Variants in CTC1 observed in about 807,000 individuals in gnomAD.
CTC1 encodes CST telomere replication complex component 1.
CTC1 carries 91 observed loss-of-function variants against 136.3 expected under a neutral mutation model. The observed-to-expected ratio is 0.67, with a 90% CI of 0.56 to 0.79. CTC1 has a LOEUF of 0.79. Among genes scored for constraint, CTC1 ranks in the 30% least tolerant of loss-of-function variants. The pLI is 0.00. For synonymous variants in CTC1, 606 were observed against 613.8 expected, an observed-to-expected ratio of 0.99 and a Z score of 0.19; for missense variants, 1,432 against 1,498.1, an observed-to-expected ratio of 0.96 and a Z score of 0.73.
chr17:8,233,048 GGTTGA>G lies in CTC1; in HGVS notation c.1819-21_1819-17del, dbSNP rs2151513134. 1 of 1,613,254 alleles carries G rather than the reference GGTTGA, an allele frequency of 6.2e-7. No individual in the cohort carries two copies. Among genetic ancestry groups the G allele is most frequent in the Non-Finnish European group, 8.5e-7 (1 of 1,179,364 alleles). ...CAAGTAAAACCTGCAAGAAGATGAA[GGTTGA>G]GTTATCAAATGTTTATTCAGCAAAT... On this transcript the variant is annotated splice_polypyrimidine_tract_variant and intron_variant, in intron 10 of 22. Transcript: ENST00000651323.
intron 1 of CTC1, among the ~76,000 whole-genome samples, chr17:8,244,877 T>C (rs935805162): frequency 2.0e-5 from 3 of 152,160 alleles, no homozygotes; most frequent in Non-Finnish European, 4.4e-5. Flanking sequence ...GAAAAGCCAG[T>C]CTTCCATGGA....
rs187039877 is a variant in CTC1 at position 8,241,249 on chromosome 17, T to C, written c.197+1736A>G. ...CTTGCAGTGAGCCGAGATGATGCCATTGCACTCCAGCCTGGGTGACAGAGC... is the reference window on the plus strand; with the variant it reads ...CTTGCAGTGAGCCGAGATGATGCCACTGCACTCCAGCCTGGGTGACAGAGC... On this transcript the variant is annotated intron_variant, in intron 2 of 22. Coordinates refer to ENST00000651323, the MANE Select transcript of CTC1 (RefSeq NM_025099.6). Among the ~76,000 whole-genome samples, 1,071 of 151,902 alleles carry C rather than the reference T, an allele frequency of 7.1e-3. 9 individuals are homozygous for C. The highest frequency in any genetic ancestry group is 0.013 in the South Asian group (60 of 4,800).
At chr17:8,230,793 CACTGCACACTA>C in intron 15 of CTC1, 142 bp from the exon 16 acceptor site, 1 of 677,872 alleles carries the variant, frequency 1.5e-6, no homozygotes, top group Non-Finnish European at 2.6e-6. Context: ...AGCTCTGCCA[CACTGCACACTA>C]AGAGTAACAG....
Position 8,238,575 on chromosome 17 carries a change from G to A in CTC1, c.252C>T (p.His84=). 6.2e-7 allele frequency: 1 copy of A among 1,613,998 alleles called. No homozygotes were observed. Among genetic ancestry groups the A allele is most frequent in the Non-Finnish European group, 8.5e-7 (1 of 1,179,914 alleles). ...KTHQRLPCCS[H]LSWSSSAYQA... is the part of the protein sequence containing the mutation. ...GGTATGCACTACTGCTCCACGACAG[G>A]TGGCTGCAGCATGGGAGACGCTGGT... Residue 84 remains histidine, a synonymous_variant, in exon 3 of 23, where the codon CAC becomes CAT. Transcript: ENST00000651323.
chr17:8,241,263 G>A (rs767174049), intron 2 of CTC1, among the ~76,000 whole-genome samples: 1 of 152,060 alleles, frequency 6.6e-6, no homozygotes, highest in African/African-American at 2.4e-5. Flanking sequence ...ACTCCAGCCT[G>A]GGTGACAGAG....
rs1297697809 is a variant in CTC1 at position 8,235,954 on chromosome 17, T to C, written c.1083A>G (p.Ala361=). Residue 361 remains alanine, a synonymous_variant, in exon 7 of 23, where the codon GCA becomes GCG. Coordinates refer to ENST00000651323, the MANE Select transcript of CTC1 (RefSeq NM_025099.6). Reference sequence around the variant, plus strand: ...CGGGCTCATTCAACACGCCAGTGACTGCTCCCTGCAAACAGGCCGAGGTCC... The same window carrying C: ...CGGGCTCATTCAACACGCCAGTGACCGCTCCCTGCAAACAGGCCGAGGTCC... The part of the protein sequence containing the change: ...RYSRLLSYSG[A]VTGVLNEPAG... 6.2e-7 allele frequency: 1 copy of C among 1,605,648 alleles called. No individual in the cohort carries two copies. The highest frequency in any genetic ancestry group is 8.5e-7 in the Non-Finnish European group (1 of 1,173,370).
At position 8,238,027 on chromosome 17, in the gene CTC1, T is replaced by TAG; in HGVS notation, c.647+3_647+4insCT. ...CCCCTGCCATGCCTAGAGGGGGAAA[T>TAG]TACCTGAGCCTGAGCAGGCAGGAAG... On this transcript the variant is annotated splice_donor_region_variant and intron_variant, in intron 4 of 22. Coordinates refer to ENST00000651323, the MANE Select transcript of CTC1 (RefSeq NM_025099.6). The TAG allele has an allele frequency of 1.2e-6, 2 of 1,610,482 alleles. No homozygotes were observed. The highest frequency in any genetic ancestry group is 1.7e-6 in the Non-Finnish European group (2 of 1,177,332).
Position 8,232,919 on chromosome 17 carries a change from G to C in CTC1, c.1932C>G (p.Asp644Glu). Residue 644 changes from aspartate (D) to glutamate (E), a missense_variant, in exon 11 of 23, where the codon GAC becomes GAG. By Grantham distance (45) the Asp-to-Glu change is conservative (BLOSUM62 2). Coordinates refer to ENST00000651323, the MANE Select transcript of CTC1 (RefSeq NM_025099.6). ...LLAKHSQPLS[D>E]PRLIGCLVRA... ...TGAACTCCAAACCTATCAGCCGTGG[G>C]TCACTGAGGGGTTGAGAGTGCTTGG... 2.5e-6 allele frequency: 4 copies of C among 1,614,046 alleles called. No individual in the cohort carries two copies. The highest frequency in any genetic ancestry group is 3.4e-6 in the Non-Finnish European group (4 of 1,179,968).
chr17:8,235,800 T>C, intron 7 of CTC1, 31 bp downstream of exon 7: 1 of 1,563,310 alleles, frequency 6.4e-7, no homozygotes, highest in Non-Finnish European at 8.7e-7. Flanking sequence ...TGCAGAGGTC[T>C]CTTTTTGTTA....
intron 7 of CTC1, chr17:8,235,502 G>A: frequency 1.7e-6 from 1 of 597,708 alleles, no homozygotes; most frequent in Non-Finnish European, 3.0e-6. Context: ...GGGCTGGGTG[G>A]CTCCTGGATG....
chr17:8,236,815 A>G (rs898284360), intron 5 of CTC1, among the ~76,000 whole-genome samples: 1 of 152,196 alleles, frequency 6.6e-6, no homozygotes, highest in Non-Finnish European at 1.5e-5. Context: ...AGAAACTTAT[A>G]TGTCATAAAA....
At chr17:8,234,227 A>G (rs1363055362) in intron 10 of CTC1, among the ~76,000 whole-genome samples, 1 of 152,188 alleles carries the variant, frequency 6.6e-6, no homozygotes, top group Non-Finnish European at 1.5e-5. Context: ...CTCATGCCTT[A>G]GCCTCCCAAA....
chr17:8,247,396 G>A (rs1988833366), intron 1 of CTC1, among the ~76,000 whole-genome samples: 2 of 137,490 alleles, frequency 1.5e-5, no homozygotes, highest in Non-Finnish European at 3.0e-5. Context: ...TGCAGCCTCC[G>A]TCTACCCGGT....
intron 2 of CTC1, among the ~76,000 whole-genome samples, chr17:8,239,027 G>A (rs1301904869): frequency 6.6e-6 from 1 of 150,814 alleles, no homozygotes; most frequent in Non-Finnish European, 1.5e-5. Flanking sequence ...AGGAGATGGA[G>A]GTTGCAGTGA....
chr17:8,228,515 T>C lies in CTC1; in HGVS notation c.3502A>G (p.Ile1168Val). Residue 1168 changes from isoleucine to valine, a missense_variant, in exon 22 of 23, where the codon ATC becomes GTC. By Grantham distance (29) the Ile-to-Val change is conservative. Transcript: ENST00000651323. ...TCTCCAACCTTACCTAATGGGACGA[T>C]CTTCGACGGTTTCCTTTCCAGCTCA... is the stretch of plus-strand genomic sequence containing the variant. ...SFELERKPSK[I>V]VPLEPPRLQR... The C allele has an allele frequency of 6.2e-7, 1 of 1,614,082 alleles. No individual in the cohort carries two copies. The highest frequency in any genetic ancestry group is 2.2e-5 in the East Asian group (1 of 44,888).
In CTC1 at chr17:8,231,941, GC is replaced by G. The variant is rs761076987; in HGVS notation, c.2346del (p.Leu783CysfsTer38). 1 of 1,612,820 alleles carries G rather than the reference GC, an allele frequency of 6.2e-7. No homozygotes were observed. Among genetic ancestry groups the G allele is most frequent in the African/African-American group, 1.3e-5 (1 of 74,994 alleles). On this transcript the variant is annotated frameshift_variant, in exon 13 of 23. Coordinates refer to ENST00000651323, the MANE Select transcript of CTC1 (RefSeq NM_025099.6). LOFTEE classifies it high-confidence loss of function. ...TCGTCATTTCCCTGGGGCTCGGGCA[GC>G]CCCCATCCAGTACCCTCCTTCCTCT... ...GTQRKEGTGW[G>X]LPEPQGNDDN...
intron 14 of CTC1, 123 bp from the exon 15 acceptor site, chr17:8,231,592 C>CA (rs1244635143): frequency 1.6e-6 from 2 of 1,226,384 alleles, no homozygotes; most frequent in Non-Finnish European, 2.3e-6. Context: ...TCAACACACA[C>CA]AGGCTTTCTG....
chr17:8,232,498 T>G (rs1987330857), intron 11 of CTC1, 23 bp from the exon 12 acceptor site: 1 of 1,604,390 alleles, frequency 6.2e-7, no homozygotes, highest in African/African-American at 1.3e-5. Flanking sequence ...AGTTTTCTGT[T>G]TTGACAAGAA....
At position 8,227,027 on chromosome 17, in the gene CTC1, T is replaced by TA. The variant is rs1986769066; in HGVS notation, c.*1152dup. On this transcript the variant is annotated 3_prime_UTR_variant, in exon 23 of 23. Transcript: ENST00000651323. ...GGGTTCGAACCCGCGACCTTGGCGT[T>TA]ATTAGCACCACGCTCTAACCAACTG... is the stretch of plus-strand genomic sequence containing the variant. 1 of 152,612 alleles carries TA rather than the reference T, an allele frequency of 6.6e-6. No homozygotes were observed. Among genetic ancestry groups the TA allele is most frequent in the Non-Finnish European group, 1.5e-5 (1 of 68,026 alleles). The allele number at this position is 152,612 out of a possible 1,614,324, so 9.5% of individuals were successfully genotyped here.
Sources: allele counts gnomAD v4.1 joint callset (sites outside exome capture counted in the v4.1 genomes callset), GRCh38; gene constraint gnomAD v4.1.1; transcripts MANE v1.5; gene names NCBI Gene and HGNC (gene_info 2026-07-23, HGNC 2026-07-21).